The following SLMAP variants were observed in gnomAD, a reference collection of about 807,000 sequenced individuals.
SLMAP encodes the protein sarcolemmal membrane-associated protein.
SLMAP carries 44 observed loss-of-function variants against 128.8 expected under a neutral mutation model. That is an observed-to-expected ratio of 0.34 (90% CI 0.27 to 0.44). The LOEUF (loss-of-function observed/expected upper bound fraction) is 0.44. Among genes scored for constraint, SLMAP ranks in the 20% least tolerant of loss-of-function variants. The pLI is 1.00. For missense variants in SLMAP, 787 were observed against 985.3 expected (o/e 0.80, Z 2.69); for synonymous variants, 327 against 348.8 (o/e 0.94, Z 0.70).
At chr3:57,852,016 T>A (rs1244508231) in intron 6 of SLMAP, among the ~76,000 whole-genome samples, 1 of 152,112 alleles carries the variant, frequency 6.6e-6, no homozygotes, top group African/African-American at 2.4e-5. Flanking sequence ...GTTCAAGCGA[T>A]TCTCCTGCCT....
intron 2 of SLMAP, among the ~76,000 whole-genome samples, chr3:57,827,204 C>T (rs1460983): frequency 5.9e-5 from 9 of 151,964 alleles, no homozygotes; most frequent in Non-Finnish European, 1.0e-4. Context: ...AAATGTTATT[C>T]ATCTGTTGGT....
rs574699170 is a variant in SLMAP at position 57,925,884 on chromosome 3, C to A, written c.2485C>A (p.Leu829Ile). The change falls in exon 24 of 25, where the codon CTA becomes ATA. Residue 829 changes from leucine to isoleucine, a missense_variant. Transcript: ENST00000671191. ...ACCCGTCCCAGCCGTATTCATCGGC[C>A]TATTCCTGGCTTTCCTGTTTTGGTG... ...LQPVPAVFIGLFLAFLFWCFG... is the reference protein window; with the variant it reads ...LQPVPAVFIGIFLAFLFWCFG... The A allele has an allele frequency of 2.6e-4, 401 of 1,551,126 alleles. No individual in the cohort carries two copies. The highest frequency in any genetic ancestry group is 3.7e-5 in the Non-Finnish European group (42 of 1,147,066).
chr3:57,855,164 G>T (rs1249961782), intron 6 of SLMAP, among the ~76,000 whole-genome samples: 3 of 152,048 alleles, frequency 2.0e-5, no homozygotes. Flanking sequence ...GAACACTTGA[G>T]GCTAGGAGTT....
chr3:57,853,967 A>T (rs868467106), intron 6 of SLMAP, among the ~76,000 whole-genome samples: 3 of 81,904 alleles, frequency 3.7e-5, no homozygotes, highest in African/African-American at 1.6e-4. Context: ...ATATATATAT[A>T]TATATATATA....
intron 17 of SLMAP, among the ~76,000 whole-genome samples, chr3:57,906,310 C>CTTTTCTTTTCTTTTTTTT (rs2096548548): frequency 2.1e-5 from 1 of 47,048 alleles, no homozygotes; most frequent in African/African-American, 7.1e-5. Context: ...CTTTTTTTTT[C>CTTTTCTTTTCTTTTTTTT]TTTTTTTTTT....
rs2088646628 is a variant in SLMAP at position 57,802,199 on chromosome 3, CA to C, written c.199-29177del. Among the ~76,000 whole-genome samples the C allele has an allele frequency of 2.6e-5, 4 of 151,900 alleles. No homozygotes were observed. In the South Asian group the frequency reaches 8.3e-4, roughly 32 times the overall value. On this transcript the variant is annotated intron_variant, in intron 2 of 24. Coordinates refer to ENST00000671191, the MANE Select transcript of SLMAP (RefSeq NM_001377540.1). Reference sequence around the variant, plus strand: ...AGCTGTAAAACAATTGCATCACTCCCAAAAAAATTCCCTATGCCATTTGCAG... The same window carrying C: ...AGCTGTAAAACAATTGCATCACTCCCAAAAAATTCCCTATGCCATTTGCAG...
At chr3:57,900,384 C>G (rs544618739) in intron 17 of SLMAP, 3 of 152,148 alleles carry the variant, frequency 2.0e-5, no homozygotes, top group Admixed American at 6.6e-5. Context: ...ATAAGTTGAT[C>G]AAACCATGTT....
intron 2 of SLMAP, among the ~76,000 whole-genome samples, chr3:57,806,303 C>T (rs1012027394): frequency 3.9e-5 from 6 of 151,998 alleles, no homozygotes; most frequent in African/African-American, 7.3e-5. Context: ...TGAGAACATG[C>T]GGTGTTTGGT....
chr3:57,842,545 A>C (rs2093988299), intron 4 of SLMAP, among the ~76,000 whole-genome samples: 2 of 152,116 alleles, frequency 1.3e-5, no homozygotes, highest in African/African-American at 4.8e-5. Flanking sequence ...CTTCTTAAAG[A>C]CCTTGATGTT....
At chr3:57,879,259 A>G (rs2095670874) in intron 14 of SLMAP, among the ~76,000 whole-genome samples, 2 of 152,254 alleles carry the variant, frequency 1.3e-5, no homozygotes, top group African/African-American at 2.4e-5. Context: ...CTGTCAATCA[A>G]GAAGTAAATT....
intron 9 of SLMAP, 72 bp downstream of exon 9, chr3:57,860,911 C>T: frequency 7.9e-7 from 1 of 1,260,400 alleles, no homozygotes; most frequent in Non-Finnish European, 1.1e-6. Context: ...TTCCAGGATA[C>T]TTTAAACTTG....
chr3:57,787,192 G>A (rs2084385431), intron 2 of SLMAP, among the ~76,000 whole-genome samples: 1 of 152,192 alleles, frequency 6.6e-6, no homozygotes, highest in Non-Finnish European at 1.5e-5. Context: ...ATAATTTGAA[G>A]TAATGTTCTT....
intron 5 of SLMAP, among the ~76,000 whole-genome samples, chr3:57,848,396 TA>T (rs1310305692): frequency 1.3e-5 from 2 of 151,538 alleles, no homozygotes; most frequent in Non-Finnish European, 2.9e-5. Flanking sequence ...TTTTCCTTCT[TA>T]TTCTTCTTTC....
intron 2 of SLMAP, among the ~76,000 whole-genome samples, chr3:57,766,617 C>T (rs1282000015): frequency 2.0e-5 from 3 of 152,140 alleles, no homozygotes; most frequent in African/African-American, 4.8e-5. Flanking sequence ...GACGTTGCCT[C>T]ATTAATTTTT....
intron 2 of SLMAP, chr3:57,801,042 G>T (rs1183105741): frequency 1.8e-5 from 4 of 217,092 alleles, no homozygotes; most frequent in Non-Finnish European, 3.7e-5. Flanking sequence ...GGGACAGAAA[G>T]TTCATGAGTA....
intron 14 of SLMAP, among the ~76,000 whole-genome samples, chr3:57,882,134 T>C (rs2095760354): frequency 6.6e-6 from 1 of 152,230 alleles, no homozygotes. Context: ...CAAATAATTT[T>C]TTCTTTTGAT....
At chr3:57,883,933 C>CT (rs2095810953) in intron 14 of SLMAP, among the ~76,000 whole-genome samples, 2 of 132,146 alleles carry the variant, frequency 1.5e-5, no homozygotes, top group Non-Finnish European at 3.1e-5. Context: ...TTTTTCTTTT[C>CT]TTTCTTTTTT....
rs546031529 is a variant in SLMAP at position 57,757,214 on chromosome 3, A to G, written c.-438A>G. On this transcript the variant is annotated 5_prime_UTR_variant, in exon 2 of 25. The change abolishes an upstream ATG in the 5' untranslated region. Coordinates refer to ENST00000671191, the MANE Select transcript of SLMAP (RefSeq NM_001377540.1). ...GCCGCGCCGAACCGACCCTTCATTC[A>G]TGCTGCAGTGCTGCAACGTTTCCGC... The G allele has an allele frequency of 8.8e-6, 2 of 226,476 alleles. No homozygotes were observed. Among genetic ancestry groups the G allele is most frequent in the African/African-American group, 4.6e-5 (2 of 43,094 alleles). 14.0% of individuals were successfully genotyped at this position (226,476 alleles called of 1,614,324 possible).
chr3:57,896,053 C>A (rs965460057), intron 15 of SLMAP, among the ~76,000 whole-genome samples: 1 of 44,832 alleles, frequency 2.2e-5, no homozygotes, highest in African/African-American at 5.2e-5. Context: ...AAGAACTGAT[C>A]GTGGTTTTTT....
Sources: allele counts gnomAD v4.1 joint callset (sites outside exome capture counted in the v4.1 genomes callset), GRCh38; gene constraint gnomAD v4.1.1; transcripts MANE v1.5; gene names NCBI Gene and HGNC (gene_info 2026-07-23, HGNC 2026-07-21).